LPP: variants seen among roughly 807,000 people sequenced by gnomAD.
LPP encodes the protein lipoma-preferred partner.
A neutral mutation model predicts 60.4 loss-of-function variants in LPP; 38 were observed. The observed-to-expected ratio is 0.63, with a 90% CI of 0.49 to 0.83. The LOEUF (loss-of-function observed/expected upper bound fraction) is 0.83, where lower values mean the gene tolerates loss of function less well. Among genes scored for constraint, LPP ranks in the 40% least tolerant of loss-of-function variants. The pLI is 0.00. For missense variants in LPP, 902 were observed against 783.6 expected (o/e 1.15, Z -1.80); for synonymous variants, 328 against 290.8 (o/e 1.13, Z -1.30).
At chr3:188,607,131 ACACAC>A (rs1307478859) in intron 6 of LPP, among the ~76,000 whole-genome samples, 123 of 126,300 alleles carry the variant, frequency 9.7e-4, no homozygotes, top group Non-Finnish European at 1.7e-3. Context: ...ACACACACAC[ACACAC>A]ACACACACAC....
chr3:188,492,725 G>A (rs368469640), intron 5 of LPP, among the ~76,000 whole-genome samples: 80 of 151,960 alleles, frequency 5.3e-4, no homozygotes, highest in African/African-American at 1.7e-3. Context: ...AAACAGTAAC[G>A]TAAAAAAATC....
chr3:188,782,744 A>G (rs1378392747), intron 9 of LPP, among the ~76,000 whole-genome samples: 2 of 151,538 alleles, frequency 1.3e-5, no homozygotes, highest in African/African-American at 2.4e-5. Flanking sequence ...GCTGGGAAAA[A>G]AAAAAACAAA....
intron 2 of LPP, among the ~76,000 whole-genome samples, chr3:188,325,487 A>G (rs1758166437): frequency 6.6e-6 from 1 of 152,112 alleles, no homozygotes. Context: ...AAAGTAGCAC[A>G]CATACCCCCC....
intron 4 of LPP, among the ~76,000 whole-genome samples, chr3:188,431,429 C>T (rs1007719468): frequency 3.9e-5 from 6 of 152,020 alleles, no homozygotes; most frequent in African/African-American, 7.2e-5. Context: ...CCTAGGAGCA[C>T]GAGACAGAGT....
chr3:188,619,199 A>ATT (rs1560652985), intron 7 of LPP, among the ~76,000 whole-genome samples: 1 of 151,968 alleles, frequency 6.6e-6, no homozygotes, highest in Non-Finnish European at 1.5e-5. Context: ...TAATTTTTGT[A>ATT]TTTTTGGTAG....
At chr3:188,828,607 T>C (rs1196347082) in intron 9 of LPP, among the ~76,000 whole-genome samples, 2 of 65,556 alleles carry the variant, frequency 3.1e-5, no homozygotes, top group Admixed American at 3.0e-4. Flanking sequence ...AGAGCGAAAC[T>C]CTGTCTCAAA....
intron 7 of LPP, among the ~76,000 whole-genome samples, chr3:188,653,646 T>A (rs1852537512): frequency 6.6e-6 from 1 of 152,218 alleles, no homozygotes; most frequent in South Asian, 2.1e-4. Context: ...TGAGCTTGCA[T>A]TCATAGGCAC....
intron 6 of LPP, among the ~76,000 whole-genome samples, chr3:188,586,343 T>C (rs962276259): frequency 1.3e-5 from 2 of 152,140 alleles, no homozygotes; most frequent in Admixed American, 6.5e-5. Context: ...TAATGAGATA[T>C]GATTATGGTT....
intron 9 of LPP, among the ~76,000 whole-genome samples, chr3:188,864,008 G>A (rs1394125116): frequency 6.7e-6 from 1 of 148,228 alleles, no homozygotes; most frequent in Non-Finnish European, 1.5e-5. Context: ...CACAAGTCCT[G>A]GGAAGACAAT....
At chr3:188,760,030 TGAACC>T (rs1731656352) in intron 8 of LPP, 78 bp from the exon 9 acceptor site, 1 of 1,234,948 alleles carries the variant, frequency 8.1e-7, no homozygotes, top group Admixed American at 1.9e-5. Context: ...GCTGACGTTA[TGAACC>T]TGCTTTCTCC....
chr3:188,347,219 C>A (rs1348054192), intron 3 of LPP, among the ~76,000 whole-genome samples: 1 of 151,986 alleles, frequency 6.6e-6, no homozygotes, highest in Admixed American at 6.6e-5. Flanking sequence ...AGTTCATAAA[C>A]CATGGAAATT....
At chr3:188,407,789 T>TG (rs1560364462) in intron 4 of LPP, among the ~76,000 whole-genome samples, 5 of 14,062 alleles carry the variant, frequency 3.6e-4, no homozygotes, top group African/African-American at 8.2e-4. Context: ...TGTTTGTTTG[T>TG]TTTTTTTTTT....
intron 6 of LPP, among the ~76,000 whole-genome samples, chr3:188,606,936 C>T (rs1050190565): frequency 2.6e-5 from 4 of 152,060 alleles, no homozygotes; most frequent in African/African-American, 9.7e-5. Flanking sequence ...AGCAACTGGG[C>T]TGATGACAGG....
At position 188,609,903 on chromosome 3, in the gene LPP, C is replaced by T; in HGVS notation, c.1113+59C>T. On this transcript the variant is annotated intron_variant, in intron 7 of 11. Coordinates refer to ENST00000617246, the MANE Select transcript of LPP (RefSeq NM_001375462.1). This position sits in a 1 kb window ranked among gnomAD's most constrained non-coding sequence, Gnocchi z 6.9. ...AGGGGTGCCTATCTTAGTCTGCCTTCCCCAGGAAGCGAAGCCTAAGGCAAA... is the reference window on the plus strand; with the variant it reads ...AGGGGTGCCTATCTTAGTCTGCCTTTCCCAGGAAGCGAAGCCTAAGGCAAA... 1 of 1,500,176 alleles carries T rather than the reference C, an allele frequency of 6.7e-7. No homozygotes were observed. Among genetic ancestry groups the T allele is most frequent in the South Asian group, 1.3e-5 (1 of 76,314 alleles). The allele number at this position is 1,500,176 out of a possible 1,614,324, so 92.9% of individuals were successfully genotyped here.
rs369816363 is a variant in LPP, at chr3:188,696,920, T to C, written c.1114-11347T>C. Among the ~76,000 whole-genome samples the C allele has an allele frequency of 2.5e-4, 38 of 152,334 alleles. No individual in the cohort carries two copies. The East Asian group carries it at 5.8e-3, about 23-fold the overall frequency. ...ACTATTATTTGTGGATAATTTAATA[T>C]AGATTTCATAGGAGGCTATAGTTTG... On this transcript the variant is annotated intron_variant, in intron 7 of 11. Coordinates refer to ENST00000617246, the MANE Select transcript of LPP (RefSeq NM_001375462.1).
intron 9 of LPP, among the ~76,000 whole-genome samples, chr3:188,789,763 A>C (rs1217648461): frequency 6.6e-6 from 1 of 152,252 alleles, no homozygotes; most frequent in Non-Finnish European, 1.5e-5. Flanking sequence ...TTAGACAAAA[A>C]GAGTGAACCT....
chr3:188,834,330 T>TTG (rs1757854723), intron 9 of LPP, among the ~76,000 whole-genome samples: 2 of 144,598 alleles, frequency 1.4e-5, no homozygotes, highest in South Asian at 4.4e-4. Flanking sequence ...GGGTGTTTTT[T>TTG]TTTTTTTTTT....
At chr3:188,413,963 A>G (rs1267390308) in intron 4 of LPP, among the ~76,000 whole-genome samples, 1 of 152,140 alleles carries the variant, frequency 6.6e-6, no homozygotes, top group Non-Finnish European at 1.5e-5. Context: ...ACCATAAAAT[A>G]CCTTATAACT....
intron 6 of LPP, among the ~76,000 whole-genome samples, chr3:188,547,949 C>T (rs1341289256): frequency 6.6e-6 from 1 of 152,112 alleles, no homozygotes; most frequent in African/African-American, 2.4e-5. Context: ...GTTGTGAAAA[C>T]CACTCAACTG....
Sources: allele counts gnomAD v4.1 joint callset (sites outside exome capture counted in the v4.1 genomes callset), GRCh38; gene constraint gnomAD v4.1.1; non-coding constraint Gnocchi (gnomAD v3.1); transcripts MANE v1.5; gene names NCBI Gene and HGNC (gene_info 2026-07-23, HGNC 2026-07-21).